MS4A10: variants seen among roughly 807,000 people sequenced by gnomAD.
The protein encoded by MS4A10 is membrane spanning 4-domains A10.
In MS4A10, 27 loss-of-function variants were observed where a neutral mutation model predicts 27.7. That is an observed-to-expected ratio of 0.98 (90% CI 0.72 to 1.35). MS4A10 has a LOEUF of 1.35. Among genes scored for constraint, MS4A10 ranks in the 40% most tolerant of loss-of-function variants. The probability of loss-of-function intolerance (pLI) is 0.00; values close to 1 mark genes in which losing one functional copy is unlikely to be tolerated. For missense variants in MS4A10, 338 were observed against 324.7 expected (o/e 1.04, Z -0.32); for synonymous variants, 139 against 131.2 (o/e 1.06, Z -0.41).
intron 7 of MS4A10, 83 bp downstream of exon 7, chr11:60,798,597 C>T (rs1854572311): frequency 3.7e-6 from 4 of 1,086,366 alleles, no homozygotes; most frequent in African/African-American, 3.1e-5. Context: ...AAACCAGTTC[C>T]CAGGGGAGCT....
chr11:60,786,585 G>A (rs544091854), intron 1 of MS4A10, among the ~76,000 whole-genome samples: 2 of 151,948 alleles, frequency 1.3e-5, no homozygotes, highest in East Asian at 1.9e-4. Context: ...AGAACCAGAC[G>A]AGGACAAGGT....
intron 1 of MS4A10, among the ~76,000 whole-genome samples, chr11:60,789,480 T>A (rs1324184579): frequency 6.6e-6 from 1 of 152,180 alleles, no homozygotes; most frequent in Non-Finnish European, 1.5e-5. Flanking sequence ...CCCTTCTAAC[T>A]TTTTTCCCCA....
intron 2 of MS4A10, 136 bp from the exon 3 acceptor site, chr11:60,790,838 T>C: frequency 7.6e-7 from 1 of 1,317,870 alleles, no homozygotes; most frequent in Middle Eastern, 2.1e-4. Context: ...GTGGTCCTTC[T>C]TAGAGAGCCT....
intron 1 of MS4A10, among the ~76,000 whole-genome samples, chr11:60,786,156 C>G (rs879806823): frequency 2.0e-5 from 3 of 149,716 alleles, no homozygotes; most frequent in African/African-American, 7.5e-5. Flanking sequence ...CATGCATGCA[C>G]ATGCATGCAC....
chr11:60,786,327 TACTC>T (rs1854338141), intron 1 of MS4A10, among the ~76,000 whole-genome samples: 1 of 152,164 alleles, frequency 6.6e-6, no homozygotes, highest in Non-Finnish European at 1.5e-5. Flanking sequence ...GGACACATCT[TACTC>T]ACTCCTGCCT....
chr11:60,795,412 T>TCGGTGG, intron 5 of MS4A10, 143 bp from the exon 6 acceptor site: 4 of 465,432 alleles, frequency 8.6e-6, no homozygotes, highest in South Asian at 4.3e-5. Flanking sequence ...CCACCCTGCC[T>TCGGTGG]TCCCCACGCA....
At chr11:60,795,716 C>A in intron 6 of MS4A10, 51 bp downstream of exon 6, 2 of 1,180,042 alleles carry the variant, frequency 1.7e-6, no homozygotes, top group Non-Finnish European at 1.2e-6. Context: ...GGGCATGAGG[C>A]AGCAGAGAGC....
At chr11:60,793,948 G>A in intron 4 of MS4A10, 24 bp from the exon 5 acceptor site, 1 of 1,613,094 alleles carries the variant, frequency 6.2e-7, no homozygotes, top group Non-Finnish European at 8.5e-7. Context: ...TTGGACAGCT[G>A]TTACCTTTAT....
chr11:60,787,265 G>C (rs894313638), intron 1 of MS4A10, among the ~76,000 whole-genome samples: 5 of 152,168 alleles, frequency 3.3e-5, no homozygotes, highest in African/African-American at 1.2e-4. Flanking sequence ...GCACCAAACA[G>C]CCTGCTGCCT....
chr11:60,790,614 G>A, intron 2 of MS4A10, 96 bp downstream of exon 2: 2 of 1,341,228 alleles, frequency 1.5e-6, no homozygotes, highest in South Asian at 1.4e-5. Context: ...AAAGGGAAAA[G>A]AGAAAGGCTC....
chr11:60,791,180 G>A, intron 3 of MS4A10, 87 bp downstream of exon 3: 1 of 1,554,056 alleles, frequency 6.4e-7, no homozygotes, highest in Non-Finnish European at 8.7e-7. Context: ...GATGCAGGGT[G>A]GGATAGAGAG....
chr11:60,795,782 A>C, intron 6 of MS4A10, 117 bp downstream of exon 6: 1 of 587,788 alleles, frequency 1.7e-6, no homozygotes, highest in Non-Finnish European at 2.6e-6. Context: ...TTCATTCCTC[A>C]CGTTGCTGAG....
At chr11:60,790,645 C>A in intron 2 of MS4A10, 127 bp downstream of exon 2, 1 of 1,074,812 alleles carries the variant, frequency 9.3e-7, no homozygotes, top group Non-Finnish European at 1.3e-6. Flanking sequence ...GCTGAACATT[C>A]ATCTGAACTG....
At chr11:60,792,060 T>C (rs991413662) in intron 3 of MS4A10, among the ~76,000 whole-genome samples, 1 of 151,788 alleles carries the variant, frequency 6.6e-6, no homozygotes, top group Non-Finnish European at 1.5e-5. Context: ...TGGAGGTTTG[T>C]GCACATGGGA....
intron 1 of MS4A10, among the ~76,000 whole-genome samples, chr11:60,787,073 C>G (rs759382954): frequency 7.9e-5 from 12 of 152,146 alleles, no homozygotes; most frequent in Non-Finnish European, 1.6e-4. Context: ...TCCCTCCACT[C>G]CCAGAACTGA....
chr11:60,794,801 G>A (rs764003800), intron 5 of MS4A10, among the ~76,000 whole-genome samples: 13 of 152,106 alleles, frequency 8.5e-5, no homozygotes, highest in African/African-American at 2.9e-4. Context: ...TCAGCCTCTC[G>A]AGTAGCTAGG....
chr11:60,787,949 G>C (rs1428299404), intron 1 of MS4A10, among the ~76,000 whole-genome samples: 1 of 152,142 alleles, frequency 6.6e-6, no homozygotes, highest in African/African-American at 2.4e-5. Context: ...CCCGGGAGGC[G>C]GAGGTTGCGG....
intron 5 of MS4A10, among the ~76,000 whole-genome samples, chr11:60,795,002 G>A (rs567679728): frequency 6.6e-6 from 1 of 152,224 alleles, no homozygotes; most frequent in South Asian, 2.1e-4. Context: ...GACCATAGTG[G>A]TTTGTTATTC....
rs752953736 is a variant in MS4A10, at chr11:60,798,358, A to G, written c.604-38A>G. 8.7e-6 allele frequency: 13 copies of G among 1,489,586 alleles called. No individual in the cohort carries two copies. The South Asian group carries it at 1.5e-4, about 17-fold the overall frequency. 92.3% of individuals were successfully genotyped at this position (1,489,586 alleles called of 1,614,324 possible). A position where few individuals can be genotyped will look rare whatever the true frequency, so the allele number is the denominator to read the frequency against. On this transcript the variant is annotated intron_variant, in intron 6 of 7. Transcript: ENST00000308287. ...TTTCGGAAGCAGCCAGTCGCTCCAC[A>G]GCTGTGAGCAGCAGGGGCGGCGACT...
Sources: gnomAD v4.1 joint callset for allele counts (sites outside exome capture counted in the v4.1 genomes callset) on GRCh38, gnomAD v4.1.1 for gene constraint, MANE v1.5 for transcripts, NCBI Gene and HGNC (gene_info 2026-07-23, HGNC 2026-07-21) for gene names.